Variants in CTNND2 observed in about 807,000 individuals in gnomAD.
CTNND2 encodes catenin delta-2.
Under a neutral mutation model 144.4 loss-of-function variants are expected in CTNND2, and 22 were observed. The ratio of observed to expected loss-of-function variants is 0.15; its 90% CI spans 0.11 to 0.22. CTNND2 has a LOEUF of 0.22. CTNND2 is among the 10% of genes least tolerant of loss of function. The pLI is 1.00. For missense variants in CTNND2, 1,353 were observed against 1,618.8 expected (o/e 0.84, Z 2.82); for synonymous variants, 751 against 695.6 (o/e 1.08, Z -1.25).
At chr5:11,339,915 C>A (rs147562457) in intron 9 of CTNND2, among the ~76,000 whole-genome samples, 23 of 152,262 alleles carry the variant, frequency 1.5e-4, no homozygotes, top group African/African-American at 5.5e-4. Context: ...AAGACAGCAG[C>A]CCTAAGAAAT....
chr5:11,745,219 G>C (rs866130775), intron 1 of CTNND2, among the ~76,000 whole-genome samples: 1 of 152,100 alleles, frequency 6.6e-6, no homozygotes, highest in Non-Finnish European at 1.5e-5. Context: ...ATGGAAGTGT[G>C]GCACATACAT....
At chr5:11,283,617 T>A (rs1196819865) in intron 9 of CTNND2, among the ~76,000 whole-genome samples, 1 of 121,412 alleles carries the variant, frequency 8.2e-6, no homozygotes, top group East Asian at 2.5e-4. Context: ...GAGGTTGCAG[T>A]AAGCCAAGAC....
At chr5:11,358,684 C>T (rs1756148851) in intron 8 of CTNND2, among the ~76,000 whole-genome samples, 1 of 152,176 alleles carries the variant, frequency 6.6e-6, no homozygotes, top group South Asian at 2.1e-4. Context: ...TATGCAGGTC[C>T]TATGTAATCC....
At chr5:11,790,603 T>C (rs1791079613) in intron 1 of CTNND2, among the ~76,000 whole-genome samples, 2 of 152,224 alleles carry the variant, frequency 1.3e-5, no homozygotes. Context: ...TTGATGAATG[T>C]GAATGTGAAC....
At chr5:11,213,243 T>A (rs957215840) in intron 10 of CTNND2, among the ~76,000 whole-genome samples, 1 of 151,998 alleles carries the variant, frequency 6.6e-6, no homozygotes, top group African/African-American at 2.4e-5. Context: ...GCCTCCACAA[T>A]CAGAGGGTGG....
chr5:11,253,098 G>A (rs950658376), intron 9 of CTNND2, among the ~76,000 whole-genome samples: 38 of 152,240 alleles, frequency 2.5e-4, no homozygotes, highest in African/African-American at 9.1e-4. Flanking sequence ...TCAGGAGATG[G>A]AACAGAGAAT....
intron 1 of CTNND2, among the ~76,000 whole-genome samples, chr5:11,840,780 T>A (rs1055628489): frequency 1.8e-4 from 27 of 152,188 alleles, no homozygotes; most frequent in African/African-American, 6.3e-4. Context: ...GAAATACTGG[T>A]AATTAATGTA....
chr5:11,077,828 CAGA>C (rs1288554011), intron 16 of CTNND2, among the ~76,000 whole-genome samples: 1 of 152,060 alleles, frequency 6.6e-6, no homozygotes, highest in Non-Finnish European at 1.5e-5. Flanking sequence ...TGCGAAAATT[CAGA>C]AGGACAACCA....
intron 9 of CTNND2, among the ~76,000 whole-genome samples, chr5:11,322,830 A>G (rs947495999): frequency 2.6e-5 from 4 of 152,188 alleles, no homozygotes; most frequent in African/African-American, 9.6e-5. Flanking sequence ...AAGAGATTGT[A>G]TGTATACTTG....
At chr5:11,144,422 C>T (rs1051078223) in intron 12 of CTNND2, among the ~76,000 whole-genome samples, 12 of 152,066 alleles carry the variant, frequency 7.9e-5, no homozygotes, top group African/African-American at 2.4e-4. Flanking sequence ...CCACTGCCTC[C>T]GGTCCACCTG....
At chr5:11,482,163 G>C (rs1768337677) in intron 3 of CTNND2, among the ~76,000 whole-genome samples, 1 of 152,088 alleles carries the variant, frequency 6.6e-6, no homozygotes, top group African/African-American at 2.4e-5. Flanking sequence ...CAATACCGCA[G>C]GAATTGGTGT....
At chr5:11,129,584 G>A (rs1432734449) in intron 12 of CTNND2, among the ~76,000 whole-genome samples, 1 of 151,510 alleles carries the variant, frequency 6.6e-6, no homozygotes, top group Non-Finnish European at 1.5e-5. Context: ...GCAGCCATCA[G>A]CTTGGTCCAG....
chr5:11,601,950 C>T (rs1168410111), intron 2 of CTNND2, among the ~76,000 whole-genome samples: 2 of 151,956 alleles, frequency 1.3e-5, no homozygotes, highest in Non-Finnish European at 2.9e-5. Context: ...CTCAAATCTG[C>T]CCCCGCCAAA....
At chr5:11,120,840 T>C (rs897853732) in intron 12 of CTNND2, among the ~76,000 whole-genome samples, 1 of 152,244 alleles carries the variant, frequency 6.6e-6, no homozygotes, top group Non-Finnish European at 1.5e-5. Flanking sequence ...CTGTCTCTTT[T>C]CAATGGGCAA....
At position 11,189,444 on chromosome 5, in the gene CTNND2, C is replaced by T. The variant is rs982406485; in HGVS notation, c.1975+10004G>A. Among the ~76,000 whole-genome samples the T allele has an allele frequency of 2.8e-4, 43 of 152,088 alleles. 1 individual carries two copies. Among genetic ancestry groups the T allele is most frequent in the African/African-American group, 1.0e-3 (42 of 41,422 alleles). ...ACAGCAAGACCAACCTCTCTGCTTC[C>T]TCCTCCTCAGCCTACTCAATACAAA... On this transcript the variant is annotated intron_variant, in intron 11 of 21. Coordinates refer to ENST00000304623, the MANE Select transcript of CTNND2 (RefSeq NM_001332.4).
intron 3 of CTNND2, among the ~76,000 whole-genome samples, chr5:11,419,317 T>G (rs1762182964): frequency 6.6e-6 from 1 of 152,174 alleles, no homozygotes; most frequent in Non-Finnish European, 1.5e-5. Flanking sequence ...CCATGATTCC[T>G]ACACTTAGAA....
At chr5:11,107,610 T>C (rs577381807) in intron 14 of CTNND2, among the ~76,000 whole-genome samples, 1 of 152,382 alleles carries the variant, frequency 6.6e-6, no homozygotes, top group Admixed American at 6.5e-5. Context: ...GGGATACTTT[T>C]TGACACATAC....
In CTNND2 at chr5:11,593,502, G is replaced by T. The variant is rs1231165688; in HGVS notation, c.175-28446C>A. ...CCCCACCCAAATCTCATCTTGAATT[G>T]TAGCTCCCGTAATTCCCAGGTGTCA... On this transcript the variant is annotated intron_variant, in intron 2 of 21. Coordinates refer to ENST00000304623, the MANE Select transcript of CTNND2 (RefSeq NM_001332.4). Among the ~76,000 whole-genome samples, 12 of 152,176 alleles carry T rather than the reference G, an allele frequency of 7.9e-5. 1 individual carries two copies. The highest frequency in any genetic ancestry group is 7.8e-4 in the Admixed American group (12 of 15,292).
chr5:11,881,147 AT>A (rs937540190), intron 1 of CTNND2, among the ~76,000 whole-genome samples: 28 of 151,742 alleles, frequency 1.8e-4, no homozygotes, highest in African/African-American at 5.5e-4. Context: ...AATTAACTTG[AT>A]TTTTTCATTT....
Sources: allele counts gnomAD v4.1 joint callset (sites outside exome capture counted in the v4.1 genomes callset), GRCh38; gene constraint gnomAD v4.1.1; transcripts MANE v1.5; gene names NCBI Gene and HGNC (gene_info 2026-07-23, HGNC 2026-07-21).